The following LPAR3 variants were observed in gnomAD, a reference collection of about 807,000 sequenced individuals.
The protein encoded by LPAR3 is LPA receptor 3.
A neutral mutation model predicts 17.8 loss-of-function variants in LPAR3; 7 were observed. The observed-to-expected ratio is 0.39, with a 90% CI of 0.22 to 0.74. The LOEUF (loss-of-function observed/expected upper bound fraction) is 0.74. Among genes scored for constraint, LPAR3 ranks in the 30% least tolerant of loss-of-function variants. The pLI is 0.40. For synonymous variants in LPAR3, 179 were observed against 179.9 expected (o/e 0.99, Z 0.04); for missense variants, 391 against 453.4 (o/e 0.86, Z 1.25).
intron 1 of LPAR3, among the ~76,000 whole-genome samples, chr1:84,891,126 G>A (rs1295044464): frequency 6.7e-6 from 1 of 149,256 alleles, no homozygotes; most frequent in African/African-American, 2.5e-5. Flanking sequence ...ATATCTTGCA[G>A]AACAGCAAGA....
intron 1 of LPAR3, among the ~76,000 whole-genome samples, chr1:84,891,027 G>A (rs1357137808): frequency 1.3e-5 from 2 of 152,058 alleles, no homozygotes; most frequent in Admixed American, 6.6e-5. Flanking sequence ...AACAGATTCC[G>A]GTGAACACAC....
At chr1:84,864,217 AAAAAAAAC>A (rs2102764624) in intron 2 of LPAR3, among the ~76,000 whole-genome samples, 3 of 150,730 alleles carry the variant, frequency 2.0e-5, no homozygotes, top group African/African-American at 4.9e-5. Flanking sequence ...GTCTCAAAAA[AAAAAAAAC>A]AAAAAACAAA....
At chr1:84,820,084 CA>C (rs1374911910) in intron 2 of LPAR3, among the ~76,000 whole-genome samples, 4 of 152,184 alleles carry the variant, frequency 2.6e-5, no homozygotes, top group African/African-American at 9.7e-5. Context: ...CCTAGACTAA[CA>C]TACAATAAAT....
chr1:84,850,411 A>G (rs868507114), intron 2 of LPAR3, among the ~76,000 whole-genome samples: 10 of 151,186 alleles, frequency 6.6e-5, no homozygotes, highest in Non-Finnish European at 1.3e-4. Context: ...AAAAAAAAAA[A>G]AAAAAAGAAA....
At chr1:84,863,549 A>G (rs1191947076) in intron 2 of LPAR3, among the ~76,000 whole-genome samples, 1 of 151,786 alleles carries the variant, frequency 6.6e-6, no homozygotes, top group Non-Finnish European at 1.5e-5. Flanking sequence ...ACCTCCTTAC[A>G]CTGGAGGGCC....
chr1:84,843,585 G>T (rs774251260), intron 2 of LPAR3, among the ~76,000 whole-genome samples: 1 of 152,224 alleles, frequency 6.6e-6, no homozygotes. Flanking sequence ...GAGGGGTTGC[G>T]TGAAACGCCA....
intron 2 of LPAR3, among the ~76,000 whole-genome samples, chr1:84,860,697 G>A (rs561321644): frequency 1.4e-5 from 2 of 145,496 alleles, no homozygotes; most frequent in South Asian, 4.4e-4. Context: ...TTTCTAATAT[G>A]TAAAAGAAGA....
At chr1:84,875,665 T>C (rs10158066) in intron 1 of LPAR3, among the ~76,000 whole-genome samples, 109,814 of 152,208 alleles carry the variant, frequency 0.72, 40,678 homozygotes, top group African/African-American at 0.88. Context: ...TATTCTCTTT[T>C]ATAGCATCAG....
At chr1:84,882,686 T>C (rs1033621720) in intron 1 of LPAR3, among the ~76,000 whole-genome samples, 15 of 152,164 alleles carry the variant, frequency 9.9e-5, no homozygotes, top group African/African-American at 3.6e-4. Context: ...CACACATACA[T>C]AATCAACGGA....
intron 2 of LPAR3, among the ~76,000 whole-genome samples, chr1:84,859,092 A>G (rs1437317800): frequency 6.6e-6 from 1 of 152,218 alleles, no homozygotes; most frequent in Non-Finnish European, 1.5e-5. Context: ...AAATCGGATA[A>G]TAATACCTTA....
intron 1 of LPAR3, 99 bp from the exon 2 acceptor site, chr1:84,866,237 A>T: frequency 8.2e-6 from 7 of 855,468 alleles, no homozygotes; most frequent in Non-Finnish European, 1.1e-5. Flanking sequence ...ACTCCCATCA[A>T]GGGAGTTGAA....
chr1:84,826,098 C>A (rs1041116365), intron 2 of LPAR3, among the ~76,000 whole-genome samples: 1 of 151,682 alleles, frequency 6.6e-6, no homozygotes, highest in Non-Finnish European at 1.5e-5. Context: ...TACATCACTA[C>A]TCTAGAGCTC....
intron 2 of LPAR3, among the ~76,000 whole-genome samples, chr1:84,814,376 A>G (rs567028122): frequency 6.6e-6 from 1 of 152,274 alleles, no homozygotes; most frequent in East Asian, 1.9e-4. Context: ...TTGACTATCA[A>G]TCACATTTCA....
At chr1:84,839,830 G>C (rs1659475258) in intron 2 of LPAR3, among the ~76,000 whole-genome samples, 1 of 152,134 alleles carries the variant, frequency 6.6e-6, no homozygotes, top group African/African-American at 2.4e-5. Flanking sequence ...TCTCTGCTTA[G>C]AATAGGAATG....
At chr1:84,855,027 G>A (rs1219434196) in intron 2 of LPAR3, among the ~76,000 whole-genome samples, 4 of 152,288 alleles carry the variant, frequency 2.6e-5, no homozygotes, top group Admixed American at 6.5e-5. Flanking sequence ...CAGGTGGCTG[G>A]GCTGGAGGGA....
intron 2 of LPAR3, among the ~76,000 whole-genome samples, chr1:84,846,241 T>C (rs953171630): frequency 1.3e-5 from 2 of 152,234 alleles, no homozygotes; most frequent in Non-Finnish European, 2.9e-5. Flanking sequence ...AAAGGGATAG[T>C]AGAGAACTAC....
intron 2 of LPAR3, among the ~76,000 whole-genome samples, chr1:84,837,868 G>A (rs1477613540): frequency 6.6e-6 from 1 of 152,148 alleles, no homozygotes; most frequent in Non-Finnish European, 1.5e-5. Context: ...CAGGGTATCT[G>A]TTATTTGGAG....
chr1:84,870,819 A>G (rs186098727), intron 1 of LPAR3, among the ~76,000 whole-genome samples: 3 of 152,296 alleles, frequency 2.0e-5, no homozygotes, highest in East Asian at 1.9e-4. Flanking sequence ...TATCTGCAAC[A>G]CTATACTTTA....
intron 2 of LPAR3, among the ~76,000 whole-genome samples, chr1:84,837,005 G>GA (rs1341275502): frequency 6.7e-6 from 1 of 148,594 alleles, no homozygotes; most frequent in Non-Finnish European, 1.5e-5. Context: ...ATCACTAAAG[G>GA]AAAAAACCTT....
Sources: gnomAD v4.1 joint callset for allele counts (sites outside exome capture counted in the v4.1 genomes callset) on GRCh38, gnomAD v4.1.1 for gene constraint, MANE v1.5 for transcripts, NCBI Gene and HGNC (gene_info 2026-07-23, HGNC 2026-07-21) for gene names.